Variants in MIGA1 observed in about 807,000 individuals in gnomAD.
MIGA1 encodes the protein mitoguardin 1, also known as family with sequence similarity 73, member A.
A neutral mutation model predicts 82.0 loss-of-function variants in MIGA1; 58 were observed. That is an observed-to-expected ratio of 0.71 (90% confidence interval 0.57 to 0.88). MIGA1 has a LOEUF of 0.88. Ranked by LOEUF, MIGA1 falls within the 40% of genes least tolerant of loss-of-function variation. MIGA1 has a pLI of 0.00. For missense variants in MIGA1, 751 were observed against 749.1 expected (o/e 1.00, Z -0.03); for synonymous variants, 249 against 253.6 (o/e 0.98, Z 0.17).
At chr1:77,787,972 C>T (rs1557893425) in intron 2 of MIGA1, among the ~76,000 whole-genome samples, 1 of 150,902 alleles carries the variant, frequency 6.6e-6, no homozygotes, top group Non-Finnish European at 1.5e-5. Flanking sequence ...CCTGCCACCA[C>T]ACCTGGCTAA....
At chr1:77,826,778 A>G (rs534585046) in intron 7 of MIGA1, among the ~76,000 whole-genome samples, 1 of 151,724 alleles carries the variant, frequency 6.6e-6, no homozygotes, top group South Asian at 2.1e-4. Context: ...CCAGGTCTGG[A>G]TTCTGAATAA....
chr1:77,844,113 A>AAAAAAAAATAT (rs1296124524), intron 8 of MIGA1, among the ~76,000 whole-genome samples: 1 of 90,156 alleles, frequency 1.1e-5, no homozygotes, highest in African/African-American at 4.6e-5. Flanking sequence ...AAAAAAAAAA[A>AAAAAAAAATAT]ATATATATAT....
intron 5 of MIGA1, among the ~76,000 whole-genome samples, chr1:77,813,230 C>T (rs1398665657): frequency 1.3e-5 from 2 of 152,176 alleles, no homozygotes; most frequent in African/African-American, 2.4e-5. Context: ...GATCCACCCA[C>T]CTCGGGCTCC....
At chr1:77,790,183 A>G (rs924115886) in intron 2 of MIGA1, among the ~76,000 whole-genome samples, 3 of 152,244 alleles carry the variant, frequency 2.0e-5, no homozygotes, top group African/African-American at 4.8e-5. Context: ...CCATTTTATC[A>G]TATGCATAGA....
intron 14 of MIGA1, among the ~76,000 whole-genome samples, chr1:77,867,632 T>A (rs1275471088): frequency 6.6e-6 from 1 of 152,210 alleles, no homozygotes; most frequent in Admixed American, 6.5e-5. Context: ...CTAGCCCTCA[T>A]AGGGTTTCTT....
intron 8 of MIGA1, among the ~76,000 whole-genome samples, chr1:77,849,095 T>C (rs1486825773): frequency 2.0e-5 from 3 of 152,222 alleles, no homozygotes; most frequent in Non-Finnish European, 4.4e-5. Flanking sequence ...TTGGCTCCAC[T>C]ACAACCATTA....
intron 8 of MIGA1, chr1:77,847,103 A>G (rs7417104): frequency 0.89 from 751,973 of 841,786 alleles, 336,893 homozygotes; most frequent in African/African-American, 0.95. Flanking sequence ...AGATATGGGA[A>G]CAAGATGGTG....
In MIGA1 at chr1:77,803,288, GC is replaced by G; in HGVS notation, c.393del (p.Ser131ArgfsTer5). On this transcript the variant is annotated frameshift_variant, in exon 4 of 16. Coordinates refer to ENST00000370791, the MANE Select transcript of MIGA1 (RefSeq NM_198549.4). LOFTEE classifies it high-confidence loss of function. ...TTGATAGGTTCAAGTTGTTCCAGTAGCAGACAGAATTTGACATTATCTTTAA... is the reference window on the plus strand; with the variant it reads ...TTGATAGGTTCAAGTTGTTCCAGTAGAGACAGAATTTGACATTATCTTTAA... The G allele has an allele frequency of 6.5e-7, 1 of 1,531,508 alleles. No individual in the cohort carries two copies. Among genetic ancestry groups the G allele is most frequent in the Non-Finnish European group, 8.8e-7 (1 of 1,139,162 alleles). The allele number at this position is 1,531,508 out of a possible 1,614,324, so 94.9% of individuals were successfully genotyped here. A position where few individuals can be genotyped will look rare whatever the true frequency, so the allele number is the denominator to read the frequency against.
intron 6 of MIGA1, among the ~76,000 whole-genome samples, chr1:77,814,108 C>T (rs544925025): frequency 2.0e-5 from 3 of 151,756 alleles, no homozygotes; most frequent in Admixed American, 6.6e-5. Flanking sequence ...AGGCTGGTCT[C>T]GAACTCCTGG....
rs146841294 is a variant in MIGA1 at position 77,783,325 on chromosome 1, C to T, written c.169C>T (p.Leu57=). ...AGCGCTAAGAGTGTTTGATCTTCCT[C>T]TGACTTGGTACTATTCTCTCTCCCA... Residue 57 remains leucine, a synonymous_variant, in exon 2 of 16, where the codon CTG becomes TTG. Coordinates refer to ENST00000370791, the MANE Select transcript of MIGA1 (RefSeq NM_198549.4). 6.6e-5 allele frequency: 106 copies of T among 1,598,128 alleles called. No individual in the cohort carries two copies. The highest frequency in any genetic ancestry group is 3.8e-4 in the South Asian group (34 of 88,854).
intron 2 of MIGA1, among the ~76,000 whole-genome samples, chr1:77,795,791 G>A (rs1682629637): frequency 6.6e-6 from 1 of 151,386 alleles, no homozygotes. Flanking sequence ...CACCATGCCT[G>A]GCTAATTTTT....
chr1:77,790,648 C>T lies in MIGA1; in HGVS notation c.195+7297C>T, dbSNP rs562893690. Among the ~76,000 whole-genome samples, 118 of 149,548 alleles carry T rather than the reference C, an allele frequency of 7.9e-4. 2 individuals carry two copies. In the Middle Eastern group the frequency reaches 0.028, roughly 36 times the overall value. The stretch of plus-strand genomic sequence containing the variant: ...TTGCCCAGGTAGGAGTGCAATGGTG[C>T]GATCTTGGCTCACTTGCAACCTCCA... On this transcript the variant is annotated intron_variant, in intron 2 of 15. Coordinates refer to ENST00000370791, the MANE Select transcript of MIGA1 (RefSeq NM_198549.4).
chr1:77,805,479 T>TTG lies in MIGA1; in HGVS notation c.511-1496_511-1495insTG, dbSNP rs397698328. 2.7e-5 allele frequency among the ~76,000 whole-genome samples: 4 copies of TTG among 148,596 alleles called. No individual in the cohort carries two copies. In the East Asian group the frequency reaches 7.9e-4, roughly 29 times the overall value. ...GCCTATTCTTTTTTTTTTTTTTTTT[T>TTG]GTCTTTTTGGCAGTGTATTGATGGA... is the stretch of plus-strand genomic sequence containing the variant. On this transcript the variant is annotated intron_variant, in intron 4 of 15. Transcript: ENST00000370791.
chr1:77,838,243 T>G (rs1429792761), intron 7 of MIGA1, among the ~76,000 whole-genome samples: 1 of 152,228 alleles, frequency 6.6e-6, no homozygotes, highest in South Asian at 2.1e-4. Context: ...TTGCCAACTT[T>G]CAAGATGGCT....
chr1:77,796,422 ATT>A (rs772449324), intron 2 of MIGA1, among the ~76,000 whole-genome samples: 9 of 141,718 alleles, frequency 6.4e-5, no homozygotes, highest in Non-Finnish European at 3.1e-5. Flanking sequence ...CCTGGTCTTA[ATT>A]TTTTTTTTTT....
At position 77,848,196 on chromosome 1, in the gene MIGA1, A is replaced by G. The variant is rs1292946368; in HGVS notation, c.996+4789A>G. ...CAGGAGACCAGTCATAGAGATTCCCATTGGAAGAGGCATGAACAGGAAGAT... is the reference window on the plus strand; with the variant it reads ...CAGGAGACCAGTCATAGAGATTCCCGTTGGAAGAGGCATGAACAGGAAGAT... On this transcript the variant is annotated intron_variant, in intron 8 of 15. Coordinates refer to ENST00000370791, the MANE Select transcript of MIGA1 (RefSeq NM_198549.4). 4.2e-6 allele frequency: 6 copies of G among 1,443,696 alleles called. No homozygotes were observed. The Admixed American group carries it at 8.5e-5, about 20-fold the overall frequency. The allele number at this position is 1,443,696 out of a possible 1,614,324, so 89.4% of individuals were successfully genotyped here.
chr1:77,851,427 C>T (rs1471947907), intron 8 of MIGA1, among the ~76,000 whole-genome samples: 1 of 152,110 alleles, frequency 6.6e-6, no homozygotes, highest in African/African-American at 2.4e-5. Flanking sequence ...GCCTTATTGA[C>T]CGCTGCTTCT....
intron 15 of MIGA1, among the ~76,000 whole-genome samples, chr1:77,873,868 CA>C (rs1322628503): frequency 2.6e-5 from 4 of 152,080 alleles, no homozygotes; most frequent in Non-Finnish European, 4.4e-5. Context: ...TACTGTCATT[CA>C]GAACACGTTG....
At chr1:77,861,138 G>C in intron 11 of MIGA1, 86 bp from the exon 12 acceptor site, 1 of 825,282 alleles carries the variant, frequency 1.2e-6, no homozygotes, top group South Asian at 1.6e-5. Flanking sequence ...GTAGAATTAA[G>C]ATCTACCAGA....
Sources: allele counts gnomAD v4.1 joint callset (sites outside exome capture counted in the v4.1 genomes callset), GRCh38; gene constraint gnomAD v4.1.1; transcripts MANE v1.5; gene names NCBI Gene and HGNC (gene_info 2026-07-23, HGNC 2026-07-21).